The following CCDC192 variants were observed in gnomAD, a reference collection of about 807,000 sequenced individuals.
CCDC192 encodes the protein coiled-coil domain-containing protein 192.
At chr5:127,919,623 C>T (rs972204574) in intron 6 of CCDC192, among the ~76,000 whole-genome samples, 4 of 152,150 alleles carry the variant, frequency 2.6e-5, no homozygotes, top group Non-Finnish European at 5.9e-5. Flanking sequence ...TTCCTCAGAG[C>T]ACGGCATTGT....
intron 3 of CCDC192, among the ~76,000 whole-genome samples, chr5:127,790,580 C>A (rs1027741711): frequency 1.3e-5 from 2 of 151,928 alleles, no homozygotes; most frequent in Admixed American, 1.3e-4. Flanking sequence ...ATTTTTGTAC[C>A]GTTAACCAAC....
At chr5:127,776,652 A>T in intron 3 of CCDC192, among the ~76,000 whole-genome samples, 1 of 152,204 alleles carries the variant, frequency 6.6e-6, no homozygotes. Context: ...CATCACACGC[A>T]TGGAGGCCTG....
intron 5 of CCDC192, among the ~76,000 whole-genome samples, chr5:127,857,267 A>G (rs1751142211): frequency 6.6e-6 from 1 of 152,136 alleles, no homozygotes; most frequent in South Asian, 2.1e-4. Context: ...TAGTCCTTCC[A>G]GTTGTAAGCT....
At chr5:127,730,946 A>G (rs1357591243) in intron 2 of CCDC192, among the ~76,000 whole-genome samples, 1 of 152,134 alleles carries the variant, frequency 6.6e-6, no homozygotes, top group African/African-American at 2.4e-5. Context: ...CATTCCCTTG[A>G]AAACAGGCCA....
chr5:127,891,905 A>G (rs983717202), intron 6 of CCDC192, among the ~76,000 whole-genome samples: 3 of 152,094 alleles, frequency 2.0e-5, no homozygotes, highest in Non-Finnish European at 4.4e-5. Flanking sequence ...ATTTTTGTCC[A>G]TTTCTTCCCA....
chr5:127,804,479 C>T (rs929523063), intron 5 of CCDC192, among the ~76,000 whole-genome samples: 2 of 152,194 alleles, frequency 1.3e-5, no homozygotes, highest in African/African-American at 4.8e-5. Context: ...GATACCCAGG[C>T]ATCATGGTGA....
chr5:127,784,778 C>T (rs1201853457), intron 3 of CCDC192: 3 of 493,752 alleles, frequency 6.1e-6, no homozygotes, highest in Non-Finnish European at 1.2e-5. Context: ...CAAAACCTTC[C>T]TCATCTTCAT....
intron 3 of CCDC192, among the ~76,000 whole-genome samples, chr5:127,759,685 G>A (rs1754803979): frequency 6.6e-6 from 1 of 152,184 alleles, no homozygotes; most frequent in Non-Finnish European, 1.5e-5. Context: ...TAGCAGAACT[G>A]TGTAGTTCTC....
At chr5:127,725,862 A>G (rs1043793745) in intron 2 of CCDC192, among the ~76,000 whole-genome samples, 4 of 152,206 alleles carry the variant, frequency 2.6e-5, no homozygotes, top group African/African-American at 9.6e-5. Flanking sequence ...CTTCTATACT[A>G]TCTTGAAAGA....
At chr5:127,853,645 C>T (rs574640560) in intron 5 of CCDC192, among the ~76,000 whole-genome samples, 1 of 152,040 alleles carries the variant, frequency 6.6e-6, no homozygotes, top group Non-Finnish European at 1.5e-5. Flanking sequence ...TGGTGATGGG[C>T]ACCTGTAATC....
At chr5:127,905,351 T>G (rs1296626965) in intron 6 of CCDC192, among the ~76,000 whole-genome samples, 1 of 152,234 alleles carries the variant, frequency 6.6e-6, no homozygotes, top group East Asian at 1.9e-4. Flanking sequence ...TATGCAATTT[T>G]ATATAGCACT....
intron 5 of CCDC192, among the ~76,000 whole-genome samples, chr5:127,843,995 T>C (rs1750418019): frequency 6.6e-6 from 1 of 152,242 alleles, no homozygotes; most frequent in Admixed American, 6.5e-5. Context: ...AGACATTATA[T>C]GGACCAGCTA....
chr5:127,719,568 CATAT>C (rs142203401), intron 2 of CCDC192, among the ~76,000 whole-genome samples: 203 of 19,058 alleles, frequency 0.011, 10 homozygotes, highest in African/African-American at 0.019. Context: ...TACACACATA[CATAT>C]ATATATATAC....
intron 5 of CCDC192, among the ~76,000 whole-genome samples, chr5:127,805,743 G>A (rs759529587): frequency 6.6e-6 from 1 of 152,144 alleles, no homozygotes; most frequent in Non-Finnish European, 1.5e-5. Flanking sequence ...TGTTGCATGT[G>A]TTCATTATAT....
At chr5:127,855,305 C>T (rs578222856) in intron 5 of CCDC192, among the ~76,000 whole-genome samples, 37 of 152,320 alleles carry the variant, frequency 2.4e-4, no homozygotes, top group African/African-American at 8.9e-4. Context: ...CCACAATGTT[C>T]ACAAAATCTT....
chr5:127,744,648 A>G (rs1237601391), intron 2 of CCDC192, among the ~76,000 whole-genome samples: 5 of 152,186 alleles, frequency 3.3e-5, no homozygotes, highest in Admixed American at 1.3e-4. Flanking sequence ...AACTGTTCTT[A>G]ATTACAAACT....
intron 3 of CCDC192, chr5:127,786,921 C>G (rs2126945685): frequency 2.4e-6 from 1 of 418,874 alleles, no homozygotes; most frequent in South Asian, 2.2e-5. Flanking sequence ...CTCCATGTAT[C>G]TGGACCTGGT....
chr5:127,743,003 A>G (rs900740450), intron 2 of CCDC192, among the ~76,000 whole-genome samples: 3 of 151,382 alleles, frequency 2.0e-5, no homozygotes, highest in African/African-American at 7.3e-5. Context: ...ACCCTTCCCA[A>G]CTCATCTTTT....
chr5:127,735,524 G>T, intron 2 of CCDC192, among the ~76,000 whole-genome samples: 1 of 86,410 alleles, frequency 1.2e-5, no homozygotes, highest in East Asian at 3.3e-4. Flanking sequence ...TGGGCAGTAT[G>T]GTCATTTTCA....
Sources: gnomAD v4.1 joint callset for allele counts (sites outside exome capture counted in the v4.1 genomes callset) on GRCh38, gnomAD v4.1.1 for gene constraint, MANE v1.5 for transcripts, NCBI Gene and HGNC (gene_info 2026-07-23, HGNC 2026-07-21) for gene names.